PARD3B: variants seen among roughly 807,000 people sequenced by gnomAD.
The protein encoded by PARD3B is partitioning defective 3 homolog B.
Under a neutral mutation model 130.2 loss-of-function variants are expected in PARD3B, and 103 were observed. The ratio of observed to expected loss-of-function variants is 0.79; its 90% CI spans 0.67 to 0.93. PARD3B has a LOEUF of 0.93. Among genes scored for constraint, PARD3B ranks in the 40% least tolerant of loss-of-function variants. PARD3B has a pLI of 0.00. For synonymous variants in PARD3B, 583 were observed against 553.2 expected (o/e 1.05, Z -0.76); for missense variants, 1,609 against 1,499.2 (o/e 1.07, Z -1.21).
chr2:205,471,353 C>CTTTTTTTTTTTTTTTTTTTT (rs769669913), intron 20 of PARD3B, among the ~76,000 whole-genome samples: 1 of 85,436 alleles, frequency 1.2e-5, no homozygotes, highest in Admixed American at 1.3e-4. Context: ...ACTCACTTTT[C>CTTTTTTTTTTTTTTTTTTTT]TTTTTTTTTT....
At chr2:204,587,150 A>G (rs1314787403) in intron 1 of PARD3B, among the ~76,000 whole-genome samples, 1 of 152,176 alleles carries the variant, frequency 6.6e-6, no homozygotes, top group Non-Finnish European at 1.5e-5. Context: ...AGGTTTGCCA[A>G]TGGGACTATA....
At chr2:205,542,589 C>T (rs899626317) in intron 21 of PARD3B, among the ~76,000 whole-genome samples, 1 of 152,108 alleles carries the variant, frequency 6.6e-6, no homozygotes, top group Non-Finnish European at 1.5e-5. Flanking sequence ...CTGATTCCAG[C>T]ATGAATGGTA....
At chr2:204,632,218 G>A (rs560791011) in intron 1 of PARD3B, among the ~76,000 whole-genome samples, 5 of 152,170 alleles carry the variant, frequency 3.3e-5, no homozygotes, top group East Asian at 1.9e-4. Context: ...CATGTCAGAC[G>A]CCTTGCTCCC....
intron 15 of PARD3B, among the ~76,000 whole-genome samples, chr2:205,231,862 A>T (rs757129950): frequency 5.9e-5 from 9 of 152,216 alleles, no homozygotes; most frequent in Admixed American, 1.3e-4. Context: ...TGCACAGAGT[A>T]TTCATCAGAG....
At chr2:205,114,714 C>T (rs377487903) in intron 6 of PARD3B, among the ~76,000 whole-genome samples, 1 of 150,918 alleles carries the variant, frequency 6.6e-6, no homozygotes, top group Non-Finnish European at 1.5e-5. Context: ...TCATATTCAG[C>T]AGGTAGCCAT....
chr2:205,027,548 T>G (rs931379015), intron 3 of PARD3B, among the ~76,000 whole-genome samples: 9 of 152,146 alleles, frequency 5.9e-5, no homozygotes, highest in Non-Finnish European at 1.0e-4. Context: ...TCCTTTGCTG[T>G]GCAGAAGCTT....
At chr2:205,005,244 G>A (rs1383425747) in intron 3 of PARD3B, among the ~76,000 whole-genome samples, 5 of 151,976 alleles carry the variant, frequency 3.3e-5, no homozygotes, top group Admixed American at 1.3e-4. Context: ...CATATATACA[G>A]CAAGAGAAAA....
At chr2:205,372,242 C>T (rs779457871) in intron 18 of PARD3B, among the ~76,000 whole-genome samples, 3 of 152,156 alleles carry the variant, frequency 2.0e-5, no homozygotes, top group Non-Finnish European at 2.9e-5. Context: ...AGACCATTTG[C>T]CAAAGTGACT....
intron 15 of PARD3B, among the ~76,000 whole-genome samples, chr2:205,227,487 A>C (rs995516078): frequency 6.6e-6 from 1 of 152,070 alleles, no homozygotes; most frequent in African/African-American, 2.4e-5. Flanking sequence ...TGCCTGATGG[A>C]AATATACCTA....
intron 1 of PARD3B, among the ~76,000 whole-genome samples, chr2:204,576,309 G>A (rs999872194): frequency 5.3e-5 from 8 of 152,192 alleles, no homozygotes; most frequent in African/African-American, 9.6e-5. Flanking sequence ...AAGTTTGTGC[G>A]CAAGTACCCT....
rs1491338276 is a variant in PARD3B at position 205,308,620 on chromosome 2, C to CA, written c.2630+6919_2630+6920insA. Among the ~76,000 whole-genome samples, 5 of 130,310 alleles carry CA rather than the reference C, an allele frequency of 3.8e-5. No homozygotes were observed. The South Asian group carries it at 1.2e-3, about 30-fold the overall frequency. 85.5% of individuals were successfully genotyped at this position (130,310 alleles called of 152,430 possible). On this transcript the variant is annotated intron_variant, in intron 18 of 22. Coordinates refer to ENST00000406610, the MANE Select transcript of PARD3B (RefSeq NM_001302769.2). ...ACTCCGTCTCAAAAAAAAAAAAAAACCAAACAACAAAACAAAACCCCAAGA... is the reference window on the plus strand; with the variant it reads ...ACTCCGTCTCAAAAAAAAAAAAAAACACAAACAACAAAACAAAACCCCAAGA...
intron 2 of PARD3B, among the ~76,000 whole-genome samples, chr2:204,803,179 TATA>T (rs2042640138): frequency 1.4e-5 from 2 of 145,526 alleles, no homozygotes; most frequent in African/African-American, 5.0e-5. Flanking sequence ...TATATATATA[TATA>T]ATCCTAGATA....
chr2:205,154,917 A>T (rs562657386), intron 10 of PARD3B, among the ~76,000 whole-genome samples: 92 of 152,114 alleles, frequency 6.0e-4, no homozygotes, highest in Non-Finnish European at 1.0e-3. Context: ...TGGGGGAGGG[A>T]TAGCATTAGG....
chr2:205,176,638 T>TA lies in PARD3B; in HGVS notation c.1924+62dup. On this transcript the variant is annotated intron_variant, in intron 13 of 22. Transcript: ENST00000406610. This position sits in a 1 kb window ranked among gnomAD's most constrained non-coding sequence, Gnocchi z 5.3. ...GTGAGAAAACACAAAAGTGTCTTTT[T>TA]ATCTAAAAAAAAAAAAAAAGAGTAA... 2 of 1,396,908 alleles carry TA rather than the reference T, an allele frequency of 1.4e-6. No individual in the cohort carries two copies. The highest frequency in any genetic ancestry group is 2.9e-5 in the South Asian group (2 of 68,330). 86.5% of individuals were successfully genotyped at this position (1,396,908 alleles called of 1,614,324 possible). A position where few individuals can be genotyped will look rare whatever the true frequency, so the allele number is the denominator to read the frequency against.
chr2:204,858,699 T>G (rs2045057827), intron 2 of PARD3B, among the ~76,000 whole-genome samples: 1 of 149,898 alleles, frequency 6.7e-6, no homozygotes, highest in Non-Finnish European at 1.5e-5. Context: ...GTTAACTATG[T>G]GAGATGATGG....
At position 205,550,862 on chromosome 2, in the gene PARD3B, G is replaced by T. The variant is rs1433677839; in HGVS notation, c.3181-2462G>T. 6.9e-5 allele frequency among the ~76,000 whole-genome samples: 10 copies of T among 145,354 alleles called. No individual in the cohort carries two copies. The highest frequency in any genetic ancestry group is 2.1e-4 in the Admixed American group (3 of 14,494). The stretch of plus-strand genomic sequence containing the variant: ...ATTTGAATATTTTATATGTATATTT[G>T]TATGTATATATGTATATTTGTATGT... On this transcript the variant is annotated intron_variant, in intron 21 of 22. Coordinates refer to ENST00000406610, the MANE Select transcript of PARD3B (RefSeq NM_001302769.2). The surrounding 1 kb of genome is among the most constrained non-coding windows in gnomAD (Gnocchi z 4.5).
In PARD3B at chr2:205,043,263, G is replaced by A. The variant is rs144082491; in HGVS notation, c.395-4318G>A. Among the ~76,000 whole-genome samples the A allele has an allele frequency of 9.4e-3, 1,436 of 152,076 alleles. 13 individuals carry two copies. Among genetic ancestry groups the A allele is most frequent in the South Asian group, 0.029 (139 of 4,814 alleles). On this transcript the variant is annotated intron_variant, in intron 3 of 22. Transcript: ENST00000406610. ...CAAGAGCCTGGCTTTTTAAGCAGAC[G>A]AGATAACACAGCTCACAATAAATAA...
chr2:205,522,870 T>G (rs1375938237), intron 21 of PARD3B, among the ~76,000 whole-genome samples: 2 of 152,086 alleles, frequency 1.3e-5, no homozygotes, highest in Non-Finnish European at 2.9e-5. Flanking sequence ...TGTTTCTTAC[T>G]ATTGAGAAAA....
At chr2:205,322,209 G>A (rs1321572132) in intron 18 of PARD3B, among the ~76,000 whole-genome samples, 1 of 152,172 alleles carries the variant, frequency 6.6e-6, no homozygotes, top group Non-Finnish European at 1.5e-5. Context: ...AATGTATTAT[G>A]AAAGTTATAG....
Sources: allele counts gnomAD v4.1 joint callset (sites outside exome capture counted in the v4.1 genomes callset), GRCh38; gene constraint gnomAD v4.1.1; non-coding constraint Gnocchi (gnomAD v3.1); transcripts MANE v1.5; gene names NCBI Gene and HGNC (gene_info 2026-07-23, HGNC 2026-07-21).